RPA2: variants seen among roughly 807,000 people sequenced by gnomAD.
RPA2 encodes replication protein A 32 kDa subunit.
In RPA2, 22 loss-of-function variants were observed where a neutral mutation model predicts 33.4. That is an observed-to-expected ratio of 0.66 (90% CI 0.47 to 0.94). The LOEUF is 0.94. Ranked by LOEUF, RPA2 falls within the 40% of genes least tolerant of loss-of-function variation. RPA2 has a pLI of 0.00. For missense variants in RPA2, 279 were observed against 329.9 expected, an observed-to-expected ratio of 0.85 and a Z score of 1.19; for synonymous variants, 109 against 114.9, an observed-to-expected ratio of 0.95 and a Z score of 0.33.
At chr1:27,903,265 A>G (rs28904873) in intron 4 of RPA2, among the ~76,000 whole-genome samples, 14,293 of 151,682 alleles carry the variant, frequency 0.094, 807 homozygotes, top group East Asian at 0.16. Context: ...AATGTATGCA[A>G]AGATACTCAC....
chr1:27,892,088 T>C lies in RPA2; in HGVS notation c.*75A>G. 1 of 1,241,064 alleles carries C rather than the reference T, an allele frequency of 8.1e-7. No homozygotes were observed. Among genetic ancestry groups the C allele is most frequent in the South Asian group, 1.3e-5 (1 of 79,408 alleles). The allele number at this position is 1,241,064 out of a possible 1,614,324, so 76.9% of individuals were successfully genotyped here. A position where few individuals can be genotyped will look rare whatever the true frequency, so the allele number is the denominator to read the frequency against. ...TTCCTAGAAGCCCCCTGGCCAGACA[T>C]ATGCAGAGCTGGAGACAACAGATTG... On this transcript the variant is annotated 3_prime_UTR_variant, in exon 9 of 9. Transcript: ENST00000373912.
At chr1:27,911,606 G>C (rs2090097420) in intron 2 of RPA2, among the ~76,000 whole-genome samples, 1 of 152,110 alleles carries the variant, frequency 6.6e-6, no homozygotes, top group South Asian at 2.1e-4. Context: ...TTCTAGGAAA[G>C]AGAAAACTAC....
intron 2 of RPA2, among the ~76,000 whole-genome samples, chr1:27,913,634 A>G (rs2090129294): frequency 6.6e-6 from 1 of 151,456 alleles, no homozygotes; most frequent in South Asian, 2.1e-4. Flanking sequence ...ATATAAGTTC[A>G]GGCCAGGAGC....
At chr1:27,904,757 T>C (rs985392046) in intron 4 of RPA2, among the ~76,000 whole-genome samples, 1 of 151,780 alleles carries the variant, frequency 6.6e-6, no homozygotes, top group Non-Finnish European at 1.5e-5. Context: ...CTCTGTCTCC[T>C]AGGTTCAATC....
At chr1:27,910,781 C>T (rs577537066) in intron 2 of RPA2, among the ~76,000 whole-genome samples, 1 of 152,004 alleles carries the variant, frequency 6.6e-6, no homozygotes, top group East Asian at 1.9e-4. Flanking sequence ...GATCCCTTGA[C>T]CCCTGGAGTT....
At chr1:27,897,204 A>G in intron 5 of RPA2, 83 bp from the exon 6 acceptor site, 1 of 880,696 alleles carries the variant, frequency 1.1e-6, no homozygotes, top group South Asian at 1.6e-5. Context: ...TTCCTTGGTT[A>G]TAATATTAAT....
intron 4 of RPA2, among the ~76,000 whole-genome samples, chr1:27,900,621 A>G (rs2089956336): frequency 6.6e-6 from 1 of 152,020 alleles, no homozygotes; most frequent in African/African-American, 2.4e-5. Flanking sequence ...TTAAAGATAT[A>G]ACTGAATTGC....
chr1:27,903,826 G>A (rs1410352750), intron 4 of RPA2, among the ~76,000 whole-genome samples: 3 of 145,824 alleles, frequency 2.1e-5, no homozygotes, highest in Non-Finnish European at 4.5e-5. Flanking sequence ...CCAGGTTTGA[G>A]GCCAGCCTAG....
At chr1:27,898,893 A>G (rs898110007) in intron 4 of RPA2, among the ~76,000 whole-genome samples, 1 of 152,004 alleles carries the variant, frequency 6.6e-6, no homozygotes, top group African/African-American at 2.4e-5. Context: ...CTGACTACAT[A>G]AAATGTATTA....
intron 4 of RPA2, among the ~76,000 whole-genome samples, chr1:27,906,091 C>T (rs1014109098): frequency 3.3e-5 from 5 of 152,056 alleles, no homozygotes; most frequent in South Asian, 2.1e-4. Context: ...TGTTCTAGGC[C>T]GGGCGTGAGG....
intron 2 of RPA2, among the ~76,000 whole-genome samples, chr1:27,912,087 C>T (rs2090103827): frequency 7.9e-6 from 1 of 126,584 alleles, no homozygotes. Context: ...GAGTGAGACT[C>T]TGTCTCAAAA....
chr1:27,911,057 A>G (rs1475519641), intron 2 of RPA2, among the ~76,000 whole-genome samples: 2 of 151,944 alleles, frequency 1.3e-5, no homozygotes, highest in African/African-American at 4.8e-5. Flanking sequence ...CTCCACTGAA[A>G]ATACAAAAAT....
Position 27,905,637 on chromosome 1 carries a change from A to T in RPA2, c.333+1291T>A, listed in dbSNP as rs72872877. 5.5e-3 allele frequency among the ~76,000 whole-genome samples: 838 copies of T among 151,082 alleles called. 10 individuals carry two copies. The highest frequency in any genetic ancestry group is 0.017 in the African/African-American group (705 of 41,104). On this transcript the variant is annotated intron_variant, in intron 4 of 8. Transcript: ENST00000373912. ...ATTCTTTCCTTGATGTAAACTCCTA[A>T]GCTGTGGAGTTCTGCTAGGTCACCA... is the stretch of plus-strand genomic sequence containing the variant.
chr1:27,895,404 AGAGT>A (rs2089877922), intron 6 of RPA2, among the ~76,000 whole-genome samples: 1 of 151,830 alleles, frequency 6.6e-6, no homozygotes, highest in Non-Finnish European at 1.5e-5. Flanking sequence ...CCTGAGTGAC[AGAGT>A]GAGACACTGT....
At chr1:27,907,928 A>C (rs1047208570) in intron 2 of RPA2, among the ~76,000 whole-genome samples, 3 of 152,056 alleles carry the variant, frequency 2.0e-5, no homozygotes, top group African/African-American at 7.2e-5. Context: ...AGCTCACTGC[A>C]ACCTCCGTCT....
At chr1:27,894,725 C>G (rs2089868424) in intron 6 of RPA2, among the ~76,000 whole-genome samples, 1 of 152,210 alleles carries the variant, frequency 6.6e-6, no homozygotes. Context: ...CCCAATCATT[C>G]AAGCATTCAC....
chr1:27,913,967 G>T, intron 2 of RPA2, 96 bp downstream of exon 2: 2 of 1,134,640 alleles, frequency 1.8e-6, no homozygotes, highest in Non-Finnish European at 2.5e-6. Context: ...ATCAGTTCAC[G>T]TTGAAATCTT....
intron 4 of RPA2, among the ~76,000 whole-genome samples, chr1:27,903,891 C>T (rs1210698067): frequency 7.1e-6 from 1 of 139,880 alleles, no homozygotes; most frequent in Admixed American, 7.1e-5. Flanking sequence ...AAAAAAAAGG[C>T]CAATGGCTCA....
chr1:27,913,679 G>A (rs2090130101), intron 2 of RPA2, among the ~76,000 whole-genome samples: 1 of 152,024 alleles, frequency 6.6e-6, no homozygotes, highest in South Asian at 2.1e-4. Flanking sequence ...CACTTTGAGA[G>A]GCCGAGGTGG....
Sources: gnomAD v4.1 joint callset for allele counts (sites outside exome capture counted in the v4.1 genomes callset) on GRCh38, gnomAD v4.1.1 for gene constraint, MANE v1.5 for transcripts, NCBI Gene and HGNC (gene_info 2026-07-23, HGNC 2026-07-21) for gene names.